The following UBE2E2 variants were observed in gnomAD, a reference collection of about 807,000 sequenced individuals.
UBE2E2 encodes the protein ubiquitin-conjugating enzyme E2 E2.
In UBE2E2, 6 loss-of-function variants were observed where a neutral mutation model predicts 24.7. That is an observed-to-expected ratio of 0.24 (90% CI 0.13 to 0.48). The LOEUF is 0.48. UBE2E2 is among the 20% of genes least tolerant of loss of function. The probability of loss-of-function intolerance (pLI) is 0.99; values close to 1 mark genes in which losing one functional copy is unlikely to be tolerated. For synonymous variants in UBE2E2, 104 were observed against 83.6 expected (o/e 1.24, Z -1.33); for missense variants, 169 against 245.0 (o/e 0.69, Z 2.07).
At chr3:23,349,891 C>G (rs1313537544) in intron 3 of UBE2E2, among the ~76,000 whole-genome samples, 1 of 152,202 alleles carries the variant, frequency 6.6e-6, no homozygotes, top group East Asian at 1.9e-4. Flanking sequence ...GTGGTTCTCC[C>G]AGCAGGCAGC....
chr3:23,445,477 A>C (rs571190594), intron 3 of UBE2E2, among the ~76,000 whole-genome samples: 17 of 152,246 alleles, frequency 1.1e-4, no homozygotes, highest in Middle Eastern at 6.8e-3. Flanking sequence ...TTCTCCCTCC[A>C]TTTGAAATGG....
At chr3:23,314,137 T>C (rs1019360248) in intron 3 of UBE2E2, among the ~76,000 whole-genome samples, 3 of 152,164 alleles carry the variant, frequency 2.0e-5, no homozygotes, top group African/African-American at 7.2e-5. Context: ...TTACTCTTTT[T>C]GTTGTTGTTG....
intron 3 of UBE2E2, among the ~76,000 whole-genome samples, chr3:23,371,982 G>A (rs1269922604): frequency 6.6e-6 from 1 of 152,018 alleles, no homozygotes; most frequent in Non-Finnish European, 1.5e-5. Flanking sequence ...GCCGGCTGTG[G>A]TGGTGGACAC....
chr3:23,427,075 G>A (rs897803364), intron 3 of UBE2E2, among the ~76,000 whole-genome samples: 28 of 151,844 alleles, frequency 1.8e-4, no homozygotes, highest in African/African-American at 5.8e-4. Flanking sequence ...AGTAGGCTTC[G>A]ATTAGTTTTA....
rs7611624 is a variant in UBE2E2 at position 23,519,547 on chromosome 3, A to G, written c.361-13007A>G. Among the ~76,000 whole-genome samples the G allele has an allele frequency of 4.5e-3, 691 of 152,342 alleles. 8 individuals carry two copies. Among genetic ancestry groups the G allele is most frequent in the African/African-American group, 0.016 (667 of 41,592 alleles). On this transcript the variant is annotated intron_variant, in intron 4 of 5. Transcript: ENST00000396703. ...TGTGTGCTGAGATTTAAGTTATTCA[A>G]AGATTATACATGTTAAGTGAGAGTT...
At chr3:23,587,458 C>T (rs1696651076) in intron 5 of UBE2E2, among the ~76,000 whole-genome samples, 1 of 152,170 alleles carries the variant, frequency 6.6e-6, no homozygotes, top group Non-Finnish European at 1.5e-5. Context: ...TTACCTTCAT[C>T]AGTAAGTTAG....
At chr3:23,329,655 A>C (rs1317214714) in intron 3 of UBE2E2, among the ~76,000 whole-genome samples, 2 of 152,244 alleles carry the variant, frequency 1.3e-5, no homozygotes, top group African/African-American at 4.8e-5. Flanking sequence ...TGGCACACAC[A>C]CTGGATGGCG....
intron 3 of UBE2E2, among the ~76,000 whole-genome samples, chr3:23,359,369 G>A (rs564329344): frequency 6.6e-6 from 1 of 152,168 alleles, no homozygotes; most frequent in Non-Finnish European, 1.5e-5. Context: ...GTGAGGACTG[G>A]AGAAATCACC....
chr3:23,457,532 T>C (rs1322893526), intron 3 of UBE2E2, among the ~76,000 whole-genome samples: 1 of 152,184 alleles, frequency 6.6e-6, no homozygotes, highest in African/African-American at 2.4e-5. Context: ...TGCACTTTTT[T>C]TTGTTTTTTG....
At chr3:23,406,902 C>G (rs1009626870) in intron 3 of UBE2E2, among the ~76,000 whole-genome samples, 1 of 152,194 alleles carries the variant, frequency 6.6e-6, no homozygotes, top group African/African-American at 2.4e-5. Flanking sequence ...CAACTTAATT[C>G]ACTTAGCTCT....
At chr3:23,285,708 C>T (rs1007579591) in intron 3 of UBE2E2, among the ~76,000 whole-genome samples, 1 of 152,116 alleles carries the variant, frequency 6.6e-6, no homozygotes, top group African/African-American at 2.4e-5. Context: ...TTTTATCCCC[C>T]ACCCTGCTTT....
chr3:23,582,869 G>GTGTGTA (rs1441679756), intron 5 of UBE2E2, among the ~76,000 whole-genome samples: 1 of 139,774 alleles, frequency 7.2e-6, no homozygotes, highest in African/African-American at 2.7e-5. Flanking sequence ...GAGTGTGTGT[G>GTGTGTA]TGTGTGTGTG....
chr3:23,443,643 C>T (rs1052271144), intron 3 of UBE2E2, among the ~76,000 whole-genome samples: 1 of 152,164 alleles, frequency 6.6e-6, no homozygotes, highest in Non-Finnish European at 1.5e-5. Flanking sequence ...GAACTGCCCC[C>T]CGAGGCATGA....
chr3:23,536,535 A>G (rs375250572), intron 5 of UBE2E2, among the ~76,000 whole-genome samples: 1 of 152,182 alleles, frequency 6.6e-6, no homozygotes, highest in Non-Finnish European at 1.5e-5. Context: ...TCCCCCAAAT[A>G]TGTATGACTC....
At chr3:23,307,501 A>T (rs1470348258) in intron 3 of UBE2E2, among the ~76,000 whole-genome samples, 1 of 152,144 alleles carries the variant, frequency 6.6e-6, no homozygotes, top group Non-Finnish European at 1.5e-5. Flanking sequence ...TTTAAATAGG[A>T]CTTTGGAAGG....
At chr3:23,256,085 A>G (rs534005733) in intron 3 of UBE2E2, among the ~76,000 whole-genome samples, 4 of 152,346 alleles carry the variant, frequency 2.6e-5, no homozygotes, top group South Asian at 2.1e-4. Context: ...ATCATAGACC[A>G]CTATAAAGAG....
At chr3:23,422,298 G>A (rs749440318) in intron 3 of UBE2E2, among the ~76,000 whole-genome samples, 98 of 152,068 alleles carry the variant, frequency 6.4e-4, no homozygotes, top group Non-Finnish European at 8.2e-4. Flanking sequence ...GATAACATGG[G>A]CAGGTTAAGT....
At chr3:23,504,177 G>A (rs536449460) in intron 4 of UBE2E2, among the ~76,000 whole-genome samples, 46 of 152,048 alleles carry the variant, frequency 3.0e-4, no homozygotes, top group African/African-American at 1.1e-3. Flanking sequence ...CAAAAATTGG[G>A]CCATACTCCC....
chr3:23,214,167 G>A (rs1696406285), intron 2 of UBE2E2, among the ~76,000 whole-genome samples: 2 of 152,102 alleles, frequency 1.3e-5, no homozygotes, highest in Admixed American at 1.3e-4. Flanking sequence ...TCAGTAAATT[G>A]CTTTTTGTAT....
Sources: allele counts gnomAD v4.1 joint callset (sites outside exome capture counted in the v4.1 genomes callset), GRCh38; gene constraint gnomAD v4.1.1; transcripts MANE v1.5; gene names NCBI Gene and HGNC (gene_info 2026-07-23, HGNC 2026-07-21).